Variants in SVOPL observed in about 807,000 individuals in gnomAD.
The protein encoded by SVOPL is SVOP like.
A neutral mutation model predicts 61.0 loss-of-function variants in SVOPL; 60 were observed. The observed-to-expected ratio is 0.98, with a 90% CI of 0.80 to 1.22. The LOEUF (loss-of-function observed/expected upper bound fraction) is 1.22, where lower values mean the gene tolerates loss of function less well. Among genes scored for constraint, SVOPL ranks in the 50% most tolerant of loss-of-function variants. SVOPL has a pLI of 0.00. For missense variants in SVOPL, 662 were observed against 643.9 expected (o/e 1.03, Z -0.30); for synonymous variants, 279 against 250.0 (o/e 1.12, Z -1.09).
intron 4 of SVOPL, among the ~76,000 whole-genome samples, chr7:138,669,446 G>A (rs114811090): frequency 0.015 from 2,359 of 152,194 alleles, 61 homozygotes; most frequent in African/African-American, 0.054. Flanking sequence ...AAAAGGGAAC[G>A]CAATTATCTT....
chr7:138,600,632 T>A (rs1434186252), intron 14 of SVOPL, among the ~76,000 whole-genome samples: 2 of 151,490 alleles, frequency 1.3e-5, no homozygotes, highest in African/African-American at 4.9e-5. Context: ...TCCCTTTTGG[T>A]GATGATGAAA....
intron 8 of SVOPL, chr7:138,646,374 T>C: frequency 5.3e-6 from 1 of 189,304 alleles, no homozygotes; most frequent in South Asian, 1.1e-4. Flanking sequence ...GATTCATAGG[T>C]ATGTGGCCAA....
chr7:138,633,049 T>C lies in SVOPL; in HGVS notation c.790-2927A>G, dbSNP rs540324565. ...TTAATCATAGTTGCCTAGCAACTAGTTCATCCTCCCACCCTGCTTTGCTCG... is the reference window on the plus strand; with the variant it reads ...TTAATCATAGTTGCCTAGCAACTAGCTCATCCTCCCACCCTGCTTTGCTCG... On this transcript the variant is annotated intron_variant, in intron 9 of 15. Transcript: ENST00000674285. Among the ~76,000 whole-genome samples, 9 of 152,256 alleles carry C rather than the reference T, an allele frequency of 5.9e-5. No homozygotes were observed. The East Asian group carries it at 1.5e-3, about 26-fold the overall frequency.
intron 1 of SVOPL, among the ~76,000 whole-genome samples, chr7:138,682,800 C>G (rs1417989647): frequency 6.6e-6 from 1 of 151,894 alleles, no homozygotes; most frequent in Non-Finnish European, 1.5e-5. Flanking sequence ...AAAACCCCAT[C>G]TCTACTAAAA....
At chr7:138,595,395 T>C (rs1798238759) in intron 15 of SVOPL, among the ~76,000 whole-genome samples, 3 of 152,152 alleles carry the variant, frequency 2.0e-5, no homozygotes, top group Non-Finnish European at 4.4e-5. Context: ...ATTGTATGTA[T>C]TGAACCTACT....
chr7:138,643,081 T>G (rs556948397), intron 9 of SVOPL, among the ~76,000 whole-genome samples: 1 of 151,932 alleles, frequency 6.6e-6, no homozygotes, highest in African/African-American at 2.4e-5. Context: ...AAACATAGAA[T>G]TATCACAGGA....
At chr7:138,644,590 G>C in intron 9 of SVOPL, 127 bp downstream of exon 9, 1 of 1,315,196 alleles carries the variant, frequency 7.6e-7, no homozygotes, top group Non-Finnish European at 1.0e-6. Context: ...CATCTTTCCT[G>C]GCCATCGCCC....
intron 14 of SVOPL, among the ~76,000 whole-genome samples, chr7:138,609,426 G>T (rs371679699): frequency 6.7e-6 from 1 of 149,048 alleles, no homozygotes; most frequent in East Asian, 2.0e-4. Context: ...TGGGAGGATT[G>T]CTTGAGCCCA....
intron 1 of SVOPL, among the ~76,000 whole-genome samples, chr7:138,698,071 AAAAG>A (rs912159352): frequency 4.0e-5 from 6 of 151,348 alleles, no homozygotes; most frequent in African/African-American, 1.2e-4. Context: ...AGAGAGGGAA[AAAAG>A]AAAGGAAGGA....
chr7:138,647,847 CAAAAAAAAAAAA>C (rs33996391), intron 8 of SVOPL, among the ~76,000 whole-genome samples: 1 of 102,772 alleles, frequency 9.7e-6, no homozygotes, highest in East Asian at 2.9e-4. Context: ...GACTCCGTTT[CAAAAAAAAAAAA>C]AAAAAAAATA....
chr7:138,677,004 C>T (rs559421951), intron 3 of SVOPL, among the ~76,000 whole-genome samples: 17 of 148,532 alleles, frequency 1.1e-4, no homozygotes, highest in African/African-American at 3.5e-4. Flanking sequence ...CCCGGATTCA[C>T]GCCATTCTCC....
intron 4 of SVOPL, among the ~76,000 whole-genome samples, chr7:138,663,726 GA>G (rs1802113697): frequency 6.6e-6 from 1 of 152,170 alleles, no homozygotes; most frequent in African/African-American, 2.4e-5. Context: ...CTTGGCCTGA[GA>G]CCTCAGCTGC....
intron 1 of SVOPL, among the ~76,000 whole-genome samples, chr7:138,693,052 A>G (rs1802978365): frequency 6.6e-6 from 1 of 152,210 alleles, no homozygotes. Flanking sequence ...AAAGATACCT[A>G]TAACATATTG....
At position 138,656,622 on chromosome 7, in the gene SVOPL, T is replaced by C. The variant is rs78462984; in HGVS notation, c.471-111A>G. 0.034 allele frequency: 38,053 copies of C among 1,126,546 alleles called. 743 individuals carry two copies. Among genetic ancestry groups the C allele is most frequent in the Middle Eastern group, 0.06 (209 of 3,488 alleles). 69.8% of individuals were successfully genotyped at this position (1,126,546 alleles called of 1,614,324 possible). ...GATAAAGAATTCAAAAGCATAGAAG[T>C]TGATTATATATCAGAAGAGAATTAT... On this transcript the variant is annotated intron_variant, in intron 6 of 15. Coordinates refer to ENST00000674285, the MANE Select transcript of SVOPL (RefSeq NM_001139456.2).
chr7:138,654,962 G>A (rs138869938), intron 7 of SVOPL, among the ~76,000 whole-genome samples: 2,459 of 151,458 alleles, frequency 0.016, 63 homozygotes, highest in African/African-American at 0.056. Flanking sequence ...AGGCCAAGGC[G>A]GGCAGATTGC....
chr7:138,663,519 C>T, intron 4 of SVOPL: 2 of 1,021,454 alleles, frequency 2.0e-6, no homozygotes, highest in Non-Finnish European at 2.3e-6. Context: ...CCACTAGAAG[C>T]AGTCTCCCTT....
rs201231483 is a variant in SVOPL, at chr7:138,684,934, C to CTT, written c.-34-5857_-34-5856dup. Reference sequence around the variant, plus strand: ...ACAAGGGAATTTTTCTTTTTCTTTTCTTTTTTTTTTTTTTTGAGACAGAGT... The same window carrying CTT: ...ACAAGGGAATTTTTCTTTTTCTTTTCTTTTTTTTTTTTTTTTTGAGACAGAGT... On this transcript the variant is annotated intron_variant, in intron 1 of 15. Transcript: ENST00000674285. Among the ~76,000 whole-genome samples, 1,002 of 140,108 alleles carry CTT rather than the reference C, an allele frequency of 7.2e-3. 11 individuals are homozygous for CTT. Among genetic ancestry groups the CTT allele is most frequent in the African/African-American group, 0.022 (841 of 38,198 alleles). The allele number at this position is 140,108 out of a possible 152,430, so 91.9% of individuals were successfully genotyped here.
At chr7:138,640,461 C>T (rs1260965093) in intron 9 of SVOPL, among the ~76,000 whole-genome samples, 1 of 151,982 alleles carries the variant, frequency 6.6e-6, no homozygotes, top group South Asian at 2.1e-4. Flanking sequence ...AAACTCCCAA[C>T]CTCAGGTGTA....
chr7:138,645,596 A>T (rs903489888), intron 8 of SVOPL: 1 of 152,510 alleles, frequency 6.6e-6, no homozygotes, highest in African/African-American at 2.4e-5. Context: ...CTCTTCCACA[A>T]TCAGAAGTCA....
Sources: gnomAD v4.1 joint callset for allele counts (sites outside exome capture counted in the v4.1 genomes callset) on GRCh38, gnomAD v4.1.1 for gene constraint, MANE v1.5 for transcripts, NCBI Gene and HGNC (gene_info 2026-07-23, HGNC 2026-07-21) for gene names.